Variants in SP110 observed in about 807,000 individuals in gnomAD.
SP110 encodes interferon-induced protein 41, 30kD.
A neutral mutation model predicts 92.7 loss-of-function variants in SP110; 62 were observed. The ratio of observed to expected loss-of-function variants is 0.67; its 90% CI spans 0.55 to 0.83. SP110 has a LOEUF of 0.83. SP110 is among the 40% of genes least tolerant of loss of function. The pLI, the probability that SP110 is intolerant of heterozygous loss-of-function variation, is 0.00. For synonymous variants in SP110, 273 were observed against 305.3 expected, an observed-to-expected ratio of 0.89 and a Z score of 1.10; for missense variants, 793 against 863.9, an observed-to-expected ratio of 0.92 and a Z score of 1.03.
chr2:230,203,174 A>T (rs1327757278), intron 8 of SP110: 4 of 194,444 alleles, frequency 2.1e-5, no homozygotes, highest in Non-Finnish European at 3.2e-5. Flanking sequence ...GCAAGGTATT[A>T]AAAAAACTGA....
chr2:230,207,887 C>A, intron 8 of SP110, 104 bp downstream of exon 8: 1 of 696,150 alleles, frequency 1.4e-6, no homozygotes. Context: ...TCTTCAATGG[C>A]TTCCCATTGC....
intron 15 of SP110, 102 bp downstream of exon 15, chr2:230,172,742 G>T: frequency 1.3e-6 from 1 of 758,084 alleles, no homozygotes; most frequent in South Asian, 1.5e-5. Flanking sequence ...TCTGGCACCA[G>T]ACTGCTCTGC....
At chr2:230,223,174 C>T (rs1415219838), upstream of SP110, among the ~76,000 whole-genome samples, 1 of 151,876 alleles carries the variant, frequency 6.6e-6, no homozygotes, top group Non-Finnish European at 1.5e-5. Context: ...GTAGCTGGGA[C>T]TACAGGCACG....
chr2:230,211,598 A>G lies in SP110; in HGVS notation c.668-45T>C, dbSNP rs1439199341. On this transcript the variant is annotated intron_variant, in intron 5 of 18. Coordinates refer to ENST00000258381, the MANE Select transcript of SP110 (RefSeq NM_080424.4). This position sits in a 1 kb window ranked among gnomAD's most constrained non-coding sequence, Gnocchi z 4.2. ...GTTTTAGATCTCAGGAACAGCAAGC[A>G]GGGACCAGAATGAGGAGAAAAGAGA... 3.5e-6 allele frequency: 4 copies of G among 1,143,284 alleles called. No individual in the cohort carries two copies. The highest frequency in any genetic ancestry group is 5.3e-6 in the Non-Finnish European group (4 of 750,150). 70.8% of individuals were successfully genotyped at this position (1,143,284 alleles called of 1,614,324 possible). A position where few individuals can be genotyped will look rare whatever the true frequency, so the allele number is the denominator to read the frequency against.
chr2:230,188,614 G>C (rs1266263691), intron 10 of SP110, among the ~76,000 whole-genome samples: 1 of 152,134 alleles, frequency 6.6e-6, no homozygotes, highest in Admixed American at 6.5e-5. Flanking sequence ...TATCACATTG[G>C]CTGTGGGTTT....
At chr2:230,220,741 T>G (rs2045742674), upstream of SP110, among the ~76,000 whole-genome samples, 1 of 152,162 alleles carries the variant, frequency 6.6e-6, no homozygotes, top group Admixed American at 6.5e-5. Context: ...CAGTGGCTCA[T>G]GCCTATAATC....
At position 230,172,173 on chromosome 2, in the gene SP110, T is replaced by C. The variant is rs547677489; in HGVS notation, c.1708A>G (p.Met570Val). 10 of 1,595,216 alleles carry C rather than the reference T, an allele frequency of 6.3e-6. No homozygotes were observed. The South Asian group carries it at 9.9e-5, about 16-fold the overall frequency. Residue 570 changes from methionine (M) to valine (V), a missense_variant and splice_region_variant, in exon 16 of 19, where the codon ATG becomes GTG. Physicochemically the swap from Met to Val is conservative, Grantham distance 21 (BLOSUM62 1). Transcript: ENST00000258381. ...CHIPPVEAKR[M>V]LWSCTFCRMK... ...CTGCAGAAGGTGCAACTCCACAGCA[T>C]CCTGAGAGGTTGGACACAAGGTGAG... is the stretch of plus-strand genomic sequence containing the variant.
chr2:230,185,312 T>C (rs534649338), intron 11 of SP110, among the ~76,000 whole-genome samples: 3 of 152,306 alleles, frequency 2.0e-5, no homozygotes, highest in African/African-American at 7.2e-5. Context: ...CAGGCAGGGC[T>C]GTAGACTTCT....
At chr2:230,186,229 T>G in intron 10 of SP110, 86 bp from the exon 11 acceptor site, 2 of 1,214,574 alleles carry the variant, frequency 1.6e-6, no homozygotes, top group Non-Finnish European at 2.4e-6. Flanking sequence ...TCTTGCCATT[T>G]CTCTATAATT....
chr2:230,173,056 G>A (rs997267498), intron 14 of SP110, 97 bp from the exon 15 acceptor site: 2 of 847,606 alleles, frequency 2.4e-6, no homozygotes, highest in Non-Finnish European at 4.0e-6. Flanking sequence ...GTGTGTGCCA[G>A]AGTGGATATC....
chr2:230,213,744 C>T (rs2044759194), intron 3 of SP110: 4 of 152,678 alleles, frequency 2.6e-5, no homozygotes, highest in Admixed American at 2.6e-4. Flanking sequence ...GTTGAAGATC[C>T]CGGAAGATGA....
intron 17 of SP110, 67 bp downstream of exon 17, chr2:230,171,629 C>T: frequency 8.3e-7 from 1 of 1,207,214 alleles, no homozygotes; most frequent in Non-Finnish European, 1.2e-6. Context: ...ACTGCAGCAC[C>T]TGCCAGATCA....
At chr2:230,176,064 C>T (rs529783824) in intron 14 of SP110, among the ~76,000 whole-genome samples, 45 of 152,064 alleles carry the variant, frequency 3.0e-4, no homozygotes, top group Admixed American at 2.6e-3. Context: ...CCACCTCAGC[C>T]TCCTGAGTAG....
rs144184183 is a variant in SP110, at chr2:230,174,705, G to A, written c.1591-1746C>T. 2.9e-3 allele frequency among the ~76,000 whole-genome samples: 441 copies of A among 152,364 alleles called. 4 individuals carry two copies. The highest frequency in any genetic ancestry group is 9.5e-3 in the African/African-American group (394 of 41,588). On this transcript the variant is annotated intron_variant, in intron 14 of 18. Coordinates refer to ENST00000258381, the MANE Select transcript of SP110 (RefSeq NM_080424.4). ...CAGCTGCCCATCATGTGTGGGTCAT[G>A]GAGGCAGCACGCTGCAGGGCAACCA...
chr2:230,171,853 G>A (rs1402954140), intron 16 of SP110, 86 bp from the exon 17 acceptor site: 6 of 1,070,702 alleles, frequency 5.6e-6, no homozygotes, highest in Admixed American at 1.7e-5. Flanking sequence ...ACACGGATGG[G>A]GCAGCCAAGC....
chr2:230,194,568 T>C lies in SP110; in HGVS notation c.1129+6317A>G, dbSNP rs375393760. On this transcript the variant is annotated intron_variant, in intron 10 of 18. Transcript: ENST00000258381. ...AGGAACCAGAAAAATGCAGCTTTTT[T>C]GTTTCTTATTCTGCAAGTAACACAG... is the stretch of plus-strand genomic sequence containing the variant. Among the ~76,000 whole-genome samples the C allele has an allele frequency of 3.3e-5, 5 of 152,316 alleles. No homozygotes were observed. In the South Asian group the frequency reaches 1.0e-3, roughly 32 times the overall value.
At chr2:230,225,523 A>T (rs2046212959) in intron 1 of SP110, 1 of 415,032 alleles carries the variant, frequency 2.4e-6, no homozygotes, top group African/African-American at 2.0e-5. Context: ...CCTCCTCATG[A>T]TGCCACCTTA....
chr2:230,211,683 T>C lies in SP110; in HGVS notation c.668-130A>G. The C allele has an allele frequency of 1.4e-6, 1 of 692,494 alleles. No homozygotes were observed. Among genetic ancestry groups the C allele is most frequent in the South Asian group, 1.5e-5 (1 of 65,414 alleles). 42.9% of individuals were successfully genotyped at this position (692,494 alleles called of 1,614,324 possible). A position where few individuals can be genotyped will look rare whatever the true frequency, so the allele number is the denominator to read the frequency against. On this transcript the variant is annotated intron_variant, in intron 5 of 18. Coordinates refer to ENST00000258381, the MANE Select transcript of SP110 (RefSeq NM_080424.4). The surrounding 1 kb of genome is among the most constrained non-coding windows in gnomAD (Gnocchi z 4.2). The stretch of plus-strand genomic sequence containing the variant: ...ACAGCAACCAAGGCCTGGGAAAGGA[T>C]GGCATAGAGTGGGAAAGTAAGCAAC...
At chr2:230,206,428 C>T (rs2043809433) in intron 8 of SP110, among the ~76,000 whole-genome samples, 1 of 151,320 alleles carries the variant, frequency 6.6e-6, no homozygotes, top group Admixed American at 6.6e-5. Context: ...TGGTCTCGTT[C>T]CCTCAGTCTG....
Sources: gnomAD v4.1 joint callset for allele counts (sites outside exome capture counted in the v4.1 genomes callset) on GRCh38, gnomAD v4.1.1 for gene constraint, Gnocchi (gnomAD v3.1) non-coding constraint, MANE v1.5 for transcripts, NCBI Gene and HGNC (gene_info 2026-07-23, HGNC 2026-07-21) for gene names.